The following NDUFS4 variants were observed in gnomAD, a reference collection of about 807,000 sequenced individuals.
The protein encoded by NDUFS4 is NADH dehydrogenase [ubiquinone] iron-sulfur protein 4, mitochondrial.
NDUFS4 carries 28 observed loss-of-function variants against 24.3 expected under a neutral mutation model. The observed-to-expected ratio is 1.15, with a 90% CI of 0.85 to 1.58. NDUFS4 has a LOEUF of 1.58. NDUFS4 is among the 40% of genes most tolerant of loss of function. The probability of loss-of-function intolerance (pLI) is 0.00; values close to 1 mark genes in which losing one functional copy is unlikely to be tolerated. For synonymous variants in NDUFS4, 93 were observed against 69.7 expected (o/e 1.34, Z -1.67); for missense variants, 223 against 207.9 (o/e 1.07, Z -0.45).
chr5:53,638,197 ACTT>A (rs1289347874), intron 2 of NDUFS4, among the ~76,000 whole-genome samples: 1 of 152,116 alleles, frequency 6.6e-6, no homozygotes, highest in Non-Finnish European at 1.5e-5. Flanking sequence ...TCTAAACATC[ACTT>A]ATTATTTGAC....
intron 2 of NDUFS4, among the ~76,000 whole-genome samples, chr5:53,605,098 G>A (rs1188135281): frequency 6.6e-6 from 1 of 152,144 alleles, no homozygotes; most frequent in Non-Finnish European, 1.5e-5. Context: ...GCGGGTGCCT[G>A]TAATCTCAGC....
At chr5:53,653,850 A>G (rs1752088168) in intron 3 of NDUFS4, among the ~76,000 whole-genome samples, 2 of 152,098 alleles carry the variant, frequency 1.3e-5, no homozygotes, top group Non-Finnish European at 2.9e-5. Flanking sequence ...ACTATTTCAG[A>G]TGAAGTTTCT....
intron 2 of NDUFS4, among the ~76,000 whole-genome samples, chr5:53,634,845 A>T (rs945776826): frequency 7.2e-5 from 11 of 151,968 alleles, no homozygotes; most frequent in Admixed American, 4.6e-4. Context: ...ATAGCTTCTG[A>T]AAAGCTGCCA....
intron 1 of NDUFS4, among the ~76,000 whole-genome samples, chr5:53,564,024 C>T (rs1748942652): frequency 6.6e-6 from 1 of 152,182 alleles, no homozygotes; most frequent in South Asian, 2.1e-4. Context: ...GTGTTTTCCT[C>T]AAACAAGTCC....
chr5:53,672,053 C>T (rs58919751), intron 4 of NDUFS4, among the ~76,000 whole-genome samples: 24,981 of 151,536 alleles, frequency 0.16, 2,292 homozygotes, highest in Non-Finnish European at 0.21. Flanking sequence ...GGTAGAAGCA[C>T]GGAAGGAAAC....
At chr5:53,592,043 A>G (rs2112443013) in intron 1 of NDUFS4, among the ~76,000 whole-genome samples, 1 of 152,042 alleles carries the variant, frequency 6.6e-6, no homozygotes, top group Admixed American at 6.6e-5. Context: ...GGTTCAGGTG[A>G]TTCACCTGCC....
intron 3 of NDUFS4, among the ~76,000 whole-genome samples, chr5:53,653,151 T>G (rs1458748367): frequency 7.1e-6 from 1 of 139,926 alleles, no homozygotes; most frequent in African/African-American, 3.0e-5. Context: ...TGTGTTAAAT[T>G]TTAAAAATGT....
intron 1 of NDUFS4, among the ~76,000 whole-genome samples, chr5:53,583,865 A>G (rs769479598): frequency 6.6e-6 from 1 of 152,224 alleles, no homozygotes; most frequent in Non-Finnish European, 1.5e-5. Context: ...AAAGTTGCCA[A>G]GTGTTGCCAA....
At chr5:53,594,224 G>C (rs1750061849) in intron 1 of NDUFS4, among the ~76,000 whole-genome samples, 1 of 152,046 alleles carries the variant, frequency 6.6e-6, no homozygotes, top group African/African-American at 2.4e-5. Context: ...TTTCTTGTTA[G>C]GTACATACAC....
intron 2 of NDUFS4, among the ~76,000 whole-genome samples, chr5:53,616,652 GAT>G (rs1225146373): frequency 2.0e-5 from 3 of 152,270 alleles, no homozygotes; most frequent in African/African-American, 7.2e-5. Context: ...TGAGATCAGA[GAT>G]GTGGGCAGGA....
At chr5:53,591,193 G>A (rs1173599935) in intron 1 of NDUFS4, among the ~76,000 whole-genome samples, 1 of 152,130 alleles carries the variant, frequency 6.6e-6, no homozygotes, top group African/African-American at 2.4e-5. Flanking sequence ...GGACAGTAGG[G>A]TTGCTTCTGT....
At chr5:53,652,532 A>T (rs1239554225) in intron 3 of NDUFS4, among the ~76,000 whole-genome samples, 3 of 152,116 alleles carry the variant, frequency 2.0e-5, no homozygotes, top group Non-Finnish European at 4.4e-5. Flanking sequence ...TTTATTTTTT[A>T]AAAATATAGT....
At chr5:53,617,342 A>ACT (rs1182435157) in intron 2 of NDUFS4, among the ~76,000 whole-genome samples, 1 of 151,386 alleles carries the variant, frequency 6.6e-6, no homozygotes, top group Non-Finnish European at 1.5e-5. Flanking sequence ...GTCTTTTGAC[A>ACT]CTCTGTCTTT....
chr5:53,648,682 A>G (rs1264823142), intron 3 of NDUFS4, among the ~76,000 whole-genome samples: 1 of 152,180 alleles, frequency 6.6e-6, no homozygotes, highest in East Asian at 1.9e-4. Flanking sequence ...TCCTGGTTGT[A>G]ATAAGTGGTG....
intron 1 of NDUFS4, among the ~76,000 whole-genome samples, chr5:53,568,536 T>A (rs1749114462): frequency 6.6e-6 from 1 of 152,152 alleles, no homozygotes; most frequent in Non-Finnish European, 1.5e-5. Context: ...CCCATGCACA[T>A]AAGAGGTATT....
At chr5:53,580,231 C>T (rs763619027) in intron 1 of NDUFS4, among the ~76,000 whole-genome samples, 1 of 152,166 alleles carries the variant, frequency 6.6e-6, no homozygotes, top group Non-Finnish European at 1.5e-5. Flanking sequence ...AGAAATTCAA[C>T]ACATATACGT....
intron 3 of NDUFS4, among the ~76,000 whole-genome samples, chr5:53,657,451 C>T (rs941486576): frequency 1.3e-5 from 2 of 152,124 alleles, no homozygotes; most frequent in Admixed American, 6.6e-5. Context: ...GTGAGAGGTA[C>T]TCCCCATTTA....
At chr5:53,650,226 G>T (rs1427646516) in intron 3 of NDUFS4, among the ~76,000 whole-genome samples, 2 of 152,124 alleles carry the variant, frequency 1.3e-5, no homozygotes, top group African/African-American at 4.8e-5. Context: ...ACGCTAAATT[G>T]TTGATGAGTA....
chr5:53,650,001 TATA>T (rs1751971256), intron 3 of NDUFS4, among the ~76,000 whole-genome samples: 1 of 152,204 alleles, frequency 6.6e-6, no homozygotes, highest in Non-Finnish European at 1.5e-5. Flanking sequence ...TTTCATATAA[TATA>T]TAGAGTCATT....
Sources: allele counts gnomAD v4.1 joint callset (sites outside exome capture counted in the v4.1 genomes callset), GRCh38; gene constraint gnomAD v4.1.1; transcripts MANE v1.5; gene names NCBI Gene and HGNC (gene_info 2026-07-23, HGNC 2026-07-21).